COL18A1: variants seen among roughly 807,000 people sequenced by gnomAD.
COL18A1 encodes the protein collagen type XVIII alpha 1 chain, also known as collagen alpha-1(XVIII) chain.
A neutral mutation model predicts 168.0 loss-of-function variants in COL18A1; 133 were observed. That is an observed-to-expected ratio of 0.79 (90% CI 0.69 to 0.91). COL18A1 has a LOEUF of 0.91. Among genes scored for constraint, COL18A1 ranks in the 40% least tolerant of loss-of-function variants. COL18A1 has a pLI of 0.00. For synonymous variants in COL18A1, 949 were observed against 809.0 expected, an observed-to-expected ratio of 1.17 and a Z score of -2.94; for missense variants, 2,126 against 1,925.4, an observed-to-expected ratio of 1.10 and a Z score of -1.95.
chr21:45,421,386 A>G (rs1261501322), intron 2 of COL18A1: 1 of 533,146 alleles, frequency 1.9e-6, no homozygotes. Flanking sequence ...AGGAGAGGGC[A>G]CTGCGGTGCC....
At chr21:45,455,166 A>G (rs944785332) in intron 2 of COL18A1, among the ~76,000 whole-genome samples, 2 of 152,268 alleles carry the variant, frequency 1.3e-5, no homozygotes, top group Middle Eastern at 6.8e-3. Flanking sequence ...TGCTTCTGGG[A>G]TGGGGTCCTG....
chr21:45,493,347 G>T, intron 25 of COL18A1, 122 bp downstream of exon 25: 1 of 1,297,602 alleles, frequency 7.7e-7, no homozygotes, highest in African/African-American at 1.5e-5. Flanking sequence ...ACACGTGAGG[G>T]GTACATCCCT....
At chr21:45,490,501 T>TCCGTGTGTCCCTCCTGGGTCC (rs1555868450) in intron 20 of COL18A1, among the ~76,000 whole-genome samples, 155 bp downstream of exon 20, 300 of 96,654 alleles carry the variant, frequency 3.1e-3, no homozygotes, top group African/African-American at 5.0e-3. Flanking sequence ...CTCCCGGGTC[T>TCCGTGTGTCCCTCCTGGGTCC]CTGGGCCTCC....
At chr21:45,437,113 T>TCA (rs1193854116) in intron 2 of COL18A1, among the ~76,000 whole-genome samples, 8 of 53,052 alleles carry the variant, frequency 1.5e-4, no homozygotes, top group East Asian at 5.7e-4. Flanking sequence ...GCACACACAC[T>TCA]CACACACAGA....
intron 2 of COL18A1, among the ~76,000 whole-genome samples, chr21:45,437,249 C>T (rs1293116135): frequency 5.8e-5 from 7 of 119,826 alleles, no homozygotes; most frequent in Admixed American, 5.5e-4. Context: ...CTCCTGTACA[C>T]ACACACACTC....
intron 32 of COL18A1, among the ~76,000 whole-genome samples, chr21:45,499,260 G>A (rs1435516378): frequency 6.7e-6 from 1 of 150,094 alleles, no homozygotes; most frequent in Non-Finnish European, 1.5e-5. Context: ...AGCTGTGTCG[G>A]CAGTGGAGGG....
intron 2 of COL18A1, among the ~76,000 whole-genome samples, chr21:45,437,852 ACT>A (rs1330364476): frequency 1.9e-4 from 11 of 58,666 alleles, no homozygotes; most frequent in East Asian, 5.2e-4. Context: ...TCCTGCACAC[ACT>A]CACACTCACA....
intron 22 of COL18A1, among the ~76,000 whole-genome samples, chr21:45,492,334 C>G (rs527612382): frequency 6.6e-6 from 1 of 152,166 alleles, no homozygotes; most frequent in East Asian, 1.9e-4. Context: ...GCCCTTAGGG[C>G]GTCTGGAGTC....
intron 2 of COL18A1, among the ~76,000 whole-genome samples, chr21:45,450,546 TG>T (rs1271209459): frequency 6.6e-6 from 1 of 152,166 alleles, no homozygotes. Context: ...TGTGGATGTT[TG>T]TACCTTTTTA....
In COL18A1 at chr21:45,482,711, C is replaced by G. The variant is rs1326563063; in HGVS notation, c.1675-84C>G. On this transcript the variant is annotated intron_variant, in intron 14 of 41. Transcript: ENST00000651438. ...CAAAGCAGGGACCCGGGTCGGGGCA[C>G]AGTTCCTGGCAGGGCGATGTGCCTT... is the stretch of plus-strand genomic sequence containing the variant. The G allele has an allele frequency of 2.5e-6, 4 of 1,606,492 alleles. No individual in the cohort carries two copies. In the East Asian group the frequency reaches 6.7e-5, roughly 27 times the overall value.
chr21:45,429,048 G>C (rs113189135), intron 2 of COL18A1, among the ~76,000 whole-genome samples: 1 of 151,634 alleles, frequency 6.6e-6, no homozygotes, highest in African/African-American at 2.4e-5. Context: ...GACTATAGGC[G>C]CGCCACCCCA....
chr21:45,438,962 T>C (rs1231454430), intron 2 of COL18A1, among the ~76,000 whole-genome samples: 1 of 152,072 alleles, frequency 6.6e-6, no homozygotes, highest in Non-Finnish European at 1.5e-5. Flanking sequence ...TGGAGATGGA[T>C]ACCGAAAGCC....
intron 37 of COL18A1, chr21:45,506,413 G>A: frequency 3.1e-6 from 1 of 323,770 alleles, no homozygotes; most frequent in South Asian, 2.6e-5. Context: ...GGGATGAAAT[G>A]CATCCTCTCT....
intron 41 of COL18A1, among the ~76,000 whole-genome samples, chr21:45,511,619 A>G (rs2037612865): frequency 6.6e-6 from 1 of 151,974 alleles, no homozygotes; most frequent in Non-Finnish European, 1.5e-5. Context: ...GTTGACAGAA[A>G]TTTCCAGGGT....
intron 25 of COL18A1, 110 bp from the exon 26 acceptor site, chr21:45,493,391 A>G (rs1238432668): frequency 1.5e-6 from 2 of 1,297,262 alleles, no homozygotes; most frequent in South Asian, 1.3e-5. Flanking sequence ...CTCCCGTGAA[A>G]GGACCCAGCC....
Position 45,492,827 on chromosome 21 carries a change from C to G in COL18A1, c.2214+114C>G, listed in dbSNP as rs574468816. 1.4e-5 allele frequency: 12 copies of G among 838,844 alleles called. No individual in the cohort carries two copies. In the South Asian group the frequency reaches 1.5e-4, roughly 10 times the overall value. The allele number at this position is 838,844 out of a possible 1,614,324, so 52.0% of individuals were successfully genotyped here. ...GGGCCTTGTCAGGCCCGAGGGATAG[C>G]GACAGTCACTGCCCCCAAGGAAATG... is the stretch of plus-strand genomic sequence containing the variant. On this transcript the variant is annotated intron_variant, in intron 24 of 41. Coordinates refer to ENST00000651438, the MANE Select transcript of COL18A1 (RefSeq NM_001379500.1).
At chr21:45,427,255 TCA>T (rs1271449709) in intron 2 of COL18A1, among the ~76,000 whole-genome samples, 2 of 152,114 alleles carry the variant, frequency 1.3e-5, no homozygotes, top group East Asian at 3.9e-4. Flanking sequence ...ACCTTTTAAA[TCA>T]CAGTGTCACC....
At chr21:45,456,251 C>T (rs2034807577) in intron 2 of COL18A1, 1 of 1,571,848 alleles carries the variant, frequency 6.4e-7, no homozygotes, top group Non-Finnish European at 8.6e-7. Flanking sequence ...CAGCCAAGGA[C>T]TCTCGCCCGC....
intron 29 of COL18A1, 22 bp from the exon 30 acceptor site, chr21:45,496,478 C>T (rs369050726): frequency 6.3e-5 from 72 of 1,143,994 alleles, no homozygotes; most frequent in African/African-American, 9.1e-5. Flanking sequence ...ATAAGCCTAA[C>T]AGCTCTCTGC....
Sources: allele counts gnomAD v4.1 joint callset (sites outside exome capture counted in the v4.1 genomes callset), GRCh38; gene constraint gnomAD v4.1.1; transcripts MANE v1.5; gene names NCBI Gene and HGNC (gene_info 2026-07-23, HGNC 2026-07-21).